The following ERLEC1 variants were observed in gnomAD, a reference collection of about 807,000 sequenced individuals.
ERLEC1 encodes the protein ER lectin.
ERLEC1 carries 47 observed loss-of-function variants against 68.0 expected under a neutral mutation model. The observed-to-expected ratio is 0.69, with a 90% CI of 0.55 to 0.88. The LOEUF is 0.88. Among genes scored for constraint, ERLEC1 ranks in the 40% least tolerant of loss-of-function variants. The pLI is 0.00. For missense variants in ERLEC1, 567 were observed against 583.8 expected (o/e 0.97, Z 0.30); for synonymous variants, 225 against 203.2 (o/e 1.11, Z -0.91).
chr2:53,797,980 A>G (rs1675806588), intron 5 of ERLEC1, among the ~76,000 whole-genome samples, 185 bp downstream of exon 5: 1 of 152,172 alleles, frequency 6.6e-6, no homozygotes, highest in African/African-American at 2.4e-5. Flanking sequence ...GAGGATCACA[A>G]GGTCGGGAGA....
chr2:53,797,443 C>G lies in ERLEC1; in HGVS notation c.349-72C>G, dbSNP rs1047827538. On this transcript the variant is annotated intron_variant, in intron 3 of 13. Coordinates refer to ENST00000185150, the MANE Select transcript of ERLEC1 (RefSeq NM_015701.5). ...GAAATCTTAGGGGAAGTCTCAGCTG[C>G]TTCAAATATCAGAAAGTAATTCAGC... 9 of 1,128,666 alleles carry G rather than the reference C, an allele frequency of 8.0e-6. No individual in the cohort carries two copies. In the African/African-American group the frequency reaches 1.4e-4, roughly 18 times the overall value. 69.9% of individuals were successfully genotyped at this position (1,128,666 alleles called of 1,614,324 possible).
At chr2:53,788,035 C>A (rs894535966) in intron 1 of ERLEC1, among the ~76,000 whole-genome samples, 1 of 152,158 alleles carries the variant, frequency 6.6e-6, no homozygotes, top group African/African-American at 2.4e-5. Flanking sequence ...ACATTTGTAA[C>A]CTCGCGGAAA....
chr2:53,817,496 A>G (rs976162368), intron 13 of ERLEC1, among the ~76,000 whole-genome samples: 7 of 151,998 alleles, frequency 4.6e-5, no homozygotes, highest in Non-Finnish European at 1.0e-4. Context: ...TTTCTTCATC[A>G]TGTTTAGTAT....
intron 13 of ERLEC1, among the ~76,000 whole-genome samples, chr2:53,815,777 G>C (rs778619939): frequency 7.9e-5 from 12 of 152,008 alleles, no homozygotes; most frequent in Non-Finnish European, 1.8e-4. Context: ...TATGTTTACA[G>C]GTTACATATG....
At chr2:53,814,790 G>T in intron 12 of ERLEC1, 70 bp from the exon 13 acceptor site, 1 of 1,227,958 alleles carries the variant, frequency 8.1e-7, no homozygotes, top group South Asian at 1.3e-5. Context: ...GGATTTTTAA[G>T]AGTACAGTTA....
chr2:53,818,111 A>G lies in ERLEC1; in HGVS notation c.*142A>G, dbSNP rs536374759. The G allele has an allele frequency of 1.7e-6, 1 of 585,712 alleles. No homozygotes were observed. Among genetic ancestry groups the G allele is most frequent in the Non-Finnish European group, 3.1e-6 (1 of 327,512 alleles). 36.3% of individuals were successfully genotyped at this position (585,712 alleles called of 1,614,324 possible). On this transcript the variant is annotated 3_prime_UTR_variant, in exon 14 of 14. Coordinates refer to ENST00000185150, the MANE Select transcript of ERLEC1 (RefSeq NM_015701.5). ...TGACTCTCAACCACTTTGTGAATAC[A>G]TATGTGTATATAAGAGGTTATTGAT...
In ERLEC1 at chr2:53,801,618, T is replaced by C; in HGVS notation, c.747T>C (p.Tyr249=). 3 of 1,613,780 alleles carry C rather than the reference T, an allele frequency of 1.9e-6. No individual in the cohort carries two copies. Among genetic ancestry groups the C allele is most frequent in the Non-Finnish European group, 1.7e-6 (2 of 1,179,740 alleles). Residue 249 remains tyrosine (Y), a splice_region_variant and synonymous_variant, in exon 7 of 14, where the codon TAT becomes TAC. Transcript: ENST00000185150. ...CACTCTTGTGCAGTCATCCTAAATA[T>C]AGGTAGGATGTGCATTTAATATTTT... is the stretch of plus-strand genomic sequence containing the variant. ...LTPLLCSHPK[Y]RFRASPVNDI... is the part of the protein sequence containing the mutation.
chr2:53,801,419 G>T lies in ERLEC1; in HGVS notation c.548G>T (p.Gly183Val). ...AAGATTCCCACTAAAAATATCGAAGGTCAGATGACACCATACTATCCTGTG... is the reference window on the plus strand; with the variant it reads ...AAGATTCCCACTAAAAATATCGAAGTTCAGATGACACCATACTATCCTGTG... ...SNEIPTKNIE[G>V]QMTPYYPVGM... The change falls in exon 7 of 14, where the codon GGT becomes GTT. Residue 183 changes from glycine to valine, a missense_variant. Coordinates refer to ENST00000185150, the MANE Select transcript of ERLEC1 (RefSeq NM_015701.5). 6.2e-7 allele frequency: 1 copy of T among 1,613,562 alleles called. No individual in the cohort carries two copies. Among genetic ancestry groups the T allele is most frequent in the Non-Finnish European group, 8.5e-7 (1 of 1,179,776 alleles).
At position 53,813,062 on chromosome 2, in the gene ERLEC1, C is replaced by T. The variant is rs758544769; in HGVS notation, c.1215C>T (p.Thr405=). 2 of 1,609,856 alleles carry T rather than the reference C, an allele frequency of 1.2e-6. No homozygotes were observed. The highest frequency in any genetic ancestry group is 1.1e-5 in the South Asian group (1 of 89,704). The change falls in exon 11 of 14, where the codon ACC becomes ACT. Residue 405 remains threonine, a synonymous_variant. Coordinates refer to ENST00000185150, the MANE Select transcript of ERLEC1 (RefSeq NM_015701.5). Reference sequence around the variant, plus strand: ...CTTATCATCTTCAAGACGATGGTACCCAGACAGTCAGGTAAAGATTCACTT... The same window carrying T: ...CTTATCATCTTCAAGACGATGGTACTCAGACAGTCAGGTAAAGATTCACTT... ...ARAYHLQDDG[T]QTVRMVSHFY...
Position 53,799,099 on chromosome 2 carries a change from A to G in ERLEC1, c.525+18A>G. On this transcript the variant is annotated intron_variant, in intron 6 of 13. Transcript: ENST00000185150. ...CAAATGAGGCAAGTGACAGATGTTG[A>G]TTTTTTTCCTCTTAACACTTATTGT... 6.2e-7 allele frequency: 1 copy of G among 1,608,486 alleles called. No homozygotes were observed. Among genetic ancestry groups the G allele is most frequent in the Non-Finnish European group, 8.5e-7 (1 of 1,176,258 alleles).
chr2:53,808,133 C>A (rs1018072823), intron 8 of ERLEC1, among the ~76,000 whole-genome samples, 166 bp from the exon 9 acceptor site: 5 of 152,154 alleles, frequency 3.3e-5, no homozygotes, highest in Non-Finnish European at 1.5e-5. Flanking sequence ...CTGGAGCTTT[C>A]TCTATGCTAA....
chr2:53,790,585 C>G (rs1339457133), intron 1 of ERLEC1, among the ~76,000 whole-genome samples: 1 of 152,162 alleles, frequency 6.6e-6, no homozygotes, highest in Non-Finnish European at 1.5e-5. Context: ...TATTTACAAT[C>G]TTGCTTTCAG....
chr2:53,813,590 G>A (rs1405529811), intron 11 of ERLEC1, among the ~76,000 whole-genome samples: 2 of 152,162 alleles, frequency 1.3e-5, no homozygotes, highest in Non-Finnish European at 2.9e-5. Flanking sequence ...CAAAACACCA[G>A]TAAGTTAATC....
intron 8 of ERLEC1, among the ~76,000 whole-genome samples, chr2:53,804,227 A>G (rs1328996947): frequency 6.6e-6 from 1 of 152,150 alleles, no homozygotes; most frequent in East Asian, 1.9e-4. Flanking sequence ...TATGGAGTAC[A>G]TGAGATATTT....
chr2:53,794,802 A>C (rs187387843), intron 2 of ERLEC1, among the ~76,000 whole-genome samples: 2,244 of 152,010 alleles, frequency 0.015, 46 homozygotes, highest in African/African-American at 0.05. Flanking sequence ...TTACAGGCAC[A>C]CACCACCACA....
intron 13 of ERLEC1, among the ~76,000 whole-genome samples, chr2:53,817,096 T>A (rs1324579498): frequency 6.6e-6 from 1 of 151,938 alleles, no homozygotes; most frequent in Non-Finnish European, 1.5e-5. Flanking sequence ...CTCTTAACAT[T>A]TCCACTTGGT....
intron 6 of ERLEC1, among the ~76,000 whole-genome samples, chr2:53,801,134 A>G (rs1464761510): frequency 6.6e-6 from 1 of 152,154 alleles, no homozygotes; most frequent in South Asian, 2.1e-4. Context: ...CTTTATATAA[A>G]TGTACATTTA....
chr2:53,804,598 C>T (rs1245839754), intron 8 of ERLEC1, among the ~76,000 whole-genome samples: 1 of 152,084 alleles, frequency 6.6e-6, no homozygotes, highest in African/African-American at 2.4e-5. Flanking sequence ...TATTTTGATA[C>T]AGATATGCAG....
rs765855324 is a variant in ERLEC1 at position 53,787,306 on chromosome 2, A to T, written c.96A>T (p.Arg32=). ...TCCTGGAGGCGTCCGGCGGCGGCCGAGCCCTTCCTCAACTCAGCGATGACA... is the reference window on the plus strand; with the variant it reads ...TCCTGGAGGCGTCCGGCGGCGGCCGTGCCCTTCCTCAACTCAGCGATGACA... The part of the protein sequence containing the change: ...CGLLEASGGG[R]ALPQLSDDIP... Residue 32 remains arginine (R), a synonymous_variant, in exon 1 of 14, where the codon CGA becomes CGT. Coordinates refer to ENST00000185150, the MANE Select transcript of ERLEC1 (RefSeq NM_015701.5). 6.2e-7 allele frequency: 1 copy of T among 1,610,700 alleles called. No individual in the cohort carries two copies. Among genetic ancestry groups the T allele is most frequent in the South Asian group, 1.1e-5 (1 of 91,080 alleles).
Sources: allele counts gnomAD v4.1 joint callset (sites outside exome capture counted in the v4.1 genomes callset), GRCh38; gene constraint gnomAD v4.1.1; transcripts MANE v1.5; gene names NCBI Gene and HGNC (gene_info 2026-07-23, HGNC 2026-07-21).